CHD8: variants seen among roughly 807,000 people sequenced by gnomAD.
CHD8 encodes chromodomain helicase DNA binding protein 8.
Under a neutral mutation model 279.2 loss-of-function variants are expected in CHD8, and 31 were observed. The ratio of observed to expected loss-of-function variants is 0.11; its 90% CI spans 0.08 to 0.15. The LOEUF (loss-of-function observed/expected upper bound fraction) is 0.15. Among genes scored for constraint, CHD8 ranks in the 10% least tolerant of loss-of-function variants. The probability of loss-of-function intolerance (pLI) is 1.00; values close to 1 mark genes in which losing one functional copy is unlikely to be tolerated. For missense variants in CHD8, 2,146 were observed against 3,230.5 expected, an observed-to-expected ratio of 0.66 and a Z score of 8.14; for synonymous variants, 1,081 against 1,139.6, an observed-to-expected ratio of 0.95 and a Z score of 1.04.
At chr14:21,415,548 T>TAAATAAATAA (rs1371760980) in intron 7 of CHD8, 26 bp downstream of exon 7, 1 of 990,254 alleles carries the variant, frequency 1.0e-6, no homozygotes, top group Admixed American at 3.2e-5. Flanking sequence ...TAAATAAAAA[T>TAAATAAATAA]AATAATAATA....
chr14:21,441,665 T>A (rs537190687), intron 1 of CHD8, among the ~76,000 whole-genome samples: 10 of 151,814 alleles, frequency 6.6e-5, no homozygotes, highest in Admixed American at 5.2e-4. Flanking sequence ...AAGGCGGGCA[T>A]ATCACGAGGT....
At chr14:21,396,056 G>A (rs546597071) in intron 27 of CHD8, among the ~76,000 whole-genome samples, 164 bp from the exon 28 acceptor site, 1 of 152,188 alleles carries the variant, frequency 6.6e-6, no homozygotes, top group South Asian at 2.1e-4. Context: ...GAGTGTCATG[G>A]CCCTATCACA....
chr14:21,427,797 C>T (rs1017164993), intron 4 of CHD8, 72 bp downstream of exon 4: 59 of 1,553,852 alleles, frequency 3.8e-5, no homozygotes, highest in Non-Finnish European at 4.9e-5. Flanking sequence ...TCAAATGTAC[C>T]ATCCCAATAG....
At chr14:21,452,478 T>C (rs1427266361) in intron 1 of CHD8, among the ~76,000 whole-genome samples, 1 of 151,880 alleles carries the variant, frequency 6.6e-6, no homozygotes, top group East Asian at 2.0e-4. Flanking sequence ...ACCCTGTCTC[T>C]GCTAAAAATA....
chr14:21,415,177 T>C, intron 7 of CHD8, 184 bp from the exon 8 acceptor site: 1 of 578,892 alleles, frequency 1.7e-6, no homozygotes, highest in African/African-American at 1.9e-5. Flanking sequence ...AGTAAGCCTT[T>C]ATCCACTCTA....
rs758982523 is a variant in CHD8, at chr14:21,415,560, T to A, written c.1968+14A>T. The A allele has an allele frequency of 1.6e-4, 205 of 1,292,348 alleles. No homozygotes were observed. The highest frequency in any genetic ancestry group is 2.0e-4 in the Non-Finnish European group (200 of 985,904). The allele number at this position is 1,292,348 out of a possible 1,614,324, so 80.1% of individuals were successfully genotyped here. A position where few individuals can be genotyped will look rare whatever the true frequency, so the allele number is the denominator to read the frequency against. On this transcript the variant is annotated intron_variant, in intron 7 of 37. Transcript: ENST00000646647. ...AAATAAATAAAAATAATAATAATAA[T>A]AAAAAGCCCTCACCTCCTTCTTCAC...
At chr14:21,406,088 A>G (rs1888242186) in intron 14 of CHD8, among the ~76,000 whole-genome samples, 2 of 152,202 alleles carry the variant, frequency 1.3e-5, no homozygotes, top group African/African-American at 4.8e-5. Context: ...GTATTGAAAT[A>G]ACATAAATAT....
In CHD8 at chr14:21,400,055, T is replaced by C. The variant is rs755920634; in HGVS notation, c.4743A>G (p.Val1581=). Reference sequence around the variant, plus strand: ...CCTGCCTCAGGTAGTATAGCATTCGTACCCGCAACAGTACCCTAGAAAGGA... The same window carrying C: ...CCTGCCTCAGGTAGTATAGCATTCGCACCCGCAACAGTACCCTAGAAAGGA... ...KHQCNKVLLR[V]RMLYYLRQEV... The change falls in exon 25 of 38, where the codon GTA becomes GTG. Residue 1581 remains valine (V), a synonymous_variant. Transcript: ENST00000646647. The surrounding 1 kb of genome is among the most constrained non-coding windows in gnomAD (Gnocchi z 4.2). 4.3e-6 allele frequency: 7 copies of C among 1,613,824 alleles called. No homozygotes were observed. The highest frequency in any genetic ancestry group is 5.9e-6 in the Non-Finnish European group (7 of 1,179,850).
Position 21,428,174 on chromosome 14 carries a change from T to G in CHD8, c.1296A>C (p.Ser432=), listed in dbSNP as rs747526024. 6.2e-7 allele frequency: 1 copy of G among 1,613,978 alleles called. No individual in the cohort carries two copies. Among genetic ancestry groups the G allele is most frequent in the Middle Eastern group, 1.6e-4 (1 of 6,062 alleles). Residue 432 remains serine, a synonymous_variant, in exon 4 of 38, where the codon TCA becomes TCC. Coordinates refer to ENST00000646647, the MANE Select transcript of CHD8 (RefSeq NM_001170629.2). ...LSASEVAALS[S]PASSAPHSGG... is the part of the protein sequence containing the mutation. ...CCGAATGAGGAGCAGAGCTTGCTGG[T>G]GATGACAAAGCTGCCACTTCACTGG...
chr14:21,427,900 C>G lies in CHD8; in HGVS notation c.1570G>C (p.Ala524Pro). 6.2e-7 allele frequency: 1 copy of G among 1,613,940 alleles called. No homozygotes were observed. The highest frequency in any genetic ancestry group is 8.5e-7 in the Non-Finnish European group (1 of 1,179,848). The change falls in exon 4 of 38, where the codon GCC becomes CCC. Residue 524 changes from alanine (A) to proline (P), a missense_variant. Coordinates refer to ENST00000646647, the MANE Select transcript of CHD8 (RefSeq NM_001170629.2). Reference sequence around the variant, plus strand: ...TTGCTCTTGCCCTTTGTTTTGGAGGCACCAGATGTTTTACTCTTCTTTGGC... The same window carrying G: ...TTGCTCTTGCCCTTTGTTTTGGAGGGACCAGATGTTTTACTCTTCTTTGGC... Reference protein sequence around the residue: ...EKPKKSKTSGASKTKGKSKLN... With the variant: ...EKPKKSKTSGPSKTKGKSKLN...
chr14:21,437,135 A>G, intron 1 of CHD8: 1 of 1,004,068 alleles, frequency 1.0e-6, no homozygotes, highest in Non-Finnish European at 1.3e-6. Flanking sequence ...AGGCCCGACA[A>G]GCCCTGAAGG....
At chr14:21,414,069 G>A (rs1239044177) in intron 9 of CHD8, 1 of 445,192 alleles carries the variant, frequency 2.2e-6, no homozygotes, top group Non-Finnish European at 4.0e-6. Context: ...TACTTCATGT[G>A]CATTGAGGAA....
Position 21,429,342 on chromosome 14 carries a change from T to C in CHD8, c.844-7A>G. 6.2e-7 allele frequency: 1 copy of C among 1,602,494 alleles called. No individual in the cohort carries two copies. The highest frequency in any genetic ancestry group is 8.5e-7 in the Non-Finnish European group (1 of 1,171,554). On this transcript the variant is annotated splice_region_variant and splice_polypyrimidine_tract_variant and intron_variant, in intron 2 of 37. Coordinates refer to ENST00000646647, the MANE Select transcript of CHD8 (RefSeq NM_001170629.2). ...TGATGCGTTTCGATTCACCCTAAAG[T>C]GAAGAAAGGAAATTGCAAGAGTACA... is the stretch of plus-strand genomic sequence containing the variant.
intron 1 of CHD8, among the ~76,000 whole-genome samples, chr14:21,454,484 AT>A (rs1054815499): frequency 1.3e-5 from 2 of 151,360 alleles, no homozygotes; most frequent in Admixed American, 6.6e-5. Context: ...TGCCCGGCTA[AT>A]TTTTTTTTGT....
intron 1 of CHD8, among the ~76,000 whole-genome samples, chr14:21,454,162 A>AAAAGGAAAAG (rs1461404835): frequency 7.9e-5 from 10 of 127,016 alleles, no homozygotes; most frequent in Non-Finnish European, 1.6e-4. Context: ...CGTCTCAAAA[A>AAAAGGAAAAG]AAAAGAAAAG....
chr14:21,405,000 T>G, intron 16 of CHD8: 1 of 548,622 alleles, frequency 1.8e-6, no homozygotes, highest in South Asian at 2.4e-5. Context: ...CCTGGCTAAT[T>G]TTTGTATTTT....
In CHD8 at chr14:21,415,899, G is replaced by A. The variant is rs746547750; in HGVS notation, c.1725C>T (p.Arg575=). 1.9e-6 allele frequency: 3 copies of A among 1,613,218 alleles called. No individual in the cohort carries two copies. Among genetic ancestry groups the A allele is most frequent in the Non-Finnish European group, 1.7e-6 (2 of 1,179,648 alleles). ...TTTTTCGCTTAACTTGGCGGTTTGA[G>A]CGTCTCTTCTGTAGAGCAAAAAGTA... The part of the protein sequence containing the change: ...EDEESSIQKR[R]SNRQVKRKKY... Residue 575 remains arginine (R), a synonymous_variant, in exon 6 of 38, where the codon CGC becomes CGT. Coordinates refer to ENST00000646647, the MANE Select transcript of CHD8 (RefSeq NM_001170629.2).
chr14:21,398,130 T>G, intron 26 of CHD8, 178 bp from the exon 27 acceptor site: 1 of 492,842 alleles, frequency 2.0e-6, no homozygotes, highest in Non-Finnish European at 3.3e-6. Flanking sequence ...TTTATAGCAA[T>G]TTAGAATCAT....
At chr14:21,414,191 C>T (rs1379882403) in intron 9 of CHD8, 110 bp downstream of exon 9, 19 of 655,538 alleles carry the variant, frequency 2.9e-5, no homozygotes, top group Non-Finnish European at 5.2e-5. Context: ...AAGTTTACAC[C>T]CATATATAGA....
Sources: gnomAD v4.1 joint callset for allele counts (sites outside exome capture counted in the v4.1 genomes callset) on GRCh38, gnomAD v4.1.1 for gene constraint, Gnocchi (gnomAD v3.1) non-coding constraint, MANE v1.5 for transcripts, NCBI Gene and HGNC (gene_info 2026-07-23, HGNC 2026-07-21) for gene names.